The following EIF2B1 variants were observed in gnomAD, a reference collection of about 807,000 sequenced individuals.
EIF2B1 encodes the protein eukaryotic translation initiation factor 2B subunit alpha.
Under a neutral mutation model 36.8 loss-of-function variants are expected in EIF2B1, and 30 were observed. The ratio of observed to expected loss-of-function variants is 0.81; its 90% CI spans 0.61 to 1.10. The LOEUF (loss-of-function observed/expected upper bound fraction) is 1.10, where lower values mean the gene tolerates loss of function less well. Ranked by LOEUF, EIF2B1 falls within the 50% of genes least tolerant of loss-of-function variation. The pLI is 0.00. For missense variants in EIF2B1, 271 were observed against 374.8 expected (o/e 0.72, Z 2.29); for synonymous variants, 139 against 142.2 (o/e 0.98, Z 0.16).
At chr12:123,632,474 C>A in intron 1 of EIF2B1, 28 bp from the exon 2 acceptor site, 1 of 1,496,176 alleles carries the variant, frequency 6.7e-7, no homozygotes. Flanking sequence ...AGTGATTCAC[C>A]TAATTCATTT....
At chr12:123,626,970 C>T in intron 5 of EIF2B1, 74 bp downstream of exon 5, 1 of 1,354,834 alleles carries the variant, frequency 7.4e-7, no homozygotes, top group East Asian at 2.3e-5. Context: ...TGGTTCTGAT[C>T]CTGTTGGACT....
At chr12:123,625,408 G>A (rs941896192) in intron 6 of EIF2B1, among the ~76,000 whole-genome samples, 3 of 151,886 alleles carry the variant, frequency 2.0e-5, no homozygotes, top group African/African-American at 7.3e-5. Flanking sequence ...ATGCCACCAT[G>A]CCCTAGAGAT....
At chr12:123,626,972 T>TG in intron 5 of EIF2B1, 72 bp downstream of exon 5, 2 of 1,371,734 alleles carry the variant, frequency 1.5e-6, no homozygotes, top group Non-Finnish European at 1.0e-6. Context: ...GTTCTGATCC[T>TG]GTTGGACTGT....
At chr12:123,627,228 C>T in intron 4 of EIF2B1, 72 bp from the exon 5 acceptor site, 5 of 1,179,862 alleles carry the variant, frequency 4.2e-6, no homozygotes, top group South Asian at 1.2e-5. Flanking sequence ...CACTGCGGCA[C>T]GTGTTCCCGA....
chr12:123,630,201 C>A lies in EIF2B1; in HGVS notation c.337G>T (p.Asp113Tyr). 1.2e-6 allele frequency: 2 copies of A among 1,614,030 alleles called. No individual in the cohort carries two copies. Among genetic ancestry groups the A allele is most frequent in the Non-Finnish European group, 1.7e-6 (2 of 1,180,022 alleles). ...TCTTTGATGAAAGTATGGCACAGAT[C>A]TGCAATTTTGTTTCTTGACAGTGAT... The part of the protein sequence containing the change: ...RISLSRNKIA[D>Y]LCHTFIKDGA... The change falls in exon 4 of 9, where the codon GAT becomes TAT. Residue 113 changes from aspartate (D) to tyrosine (Y), a missense_variant. Physicochemically the swap from Asp to Tyr is radical, Grantham distance 160. Transcript: ENST00000424014. This position sits in a 1 kb window ranked among gnomAD's most constrained non-coding sequence, Gnocchi z 4.6.
chr12:123,622,285 A>G (rs1210513717), intron 8 of EIF2B1, among the ~76,000 whole-genome samples: 1 of 152,166 alleles, frequency 6.6e-6, no homozygotes, highest in African/African-American at 2.4e-5. Flanking sequence ...CTGCTATGCC[A>G]TTTTACAGAC....
Position 123,632,283 on chromosome 12 carries a change from A to AG in EIF2B1, c.115+61_115+62insC. The AG allele has an allele frequency of 4.4e-6, 5 of 1,124,848 alleles. No individual in the cohort carries two copies. In the South Asian group the frequency reaches 5.5e-5, roughly 12 times the overall value. The allele number at this position is 1,124,848 out of a possible 1,614,324, so 69.7% of individuals were successfully genotyped here. A position where few individuals can be genotyped will look rare whatever the true frequency, so the allele number is the denominator to read the frequency against. ...GCTCCGTCTCTTTAAAAAAAAAAAA[A>AG]AAGAAAAGAAAAAAAAGACTATCCT... On this transcript the variant is annotated intron_variant, in intron 2 of 8. Coordinates refer to ENST00000424014, the MANE Select transcript of EIF2B1 (RefSeq NM_001414.4).
At chr12:123,627,755 G>A (rs1029759548) in intron 4 of EIF2B1, among the ~76,000 whole-genome samples, 5 of 152,168 alleles carry the variant, frequency 3.3e-5, no homozygotes, top group African/African-American at 9.6e-5. Context: ...TTGGGAGGCC[G>A]AGGTGGGAGG....
At chr12:123,623,259 G>A (rs1275849965) in intron 7 of EIF2B1, among the ~76,000 whole-genome samples, 3 of 151,868 alleles carry the variant, frequency 2.0e-5, no homozygotes, top group Non-Finnish European at 2.9e-5. Flanking sequence ...GATGGGGGGT[G>A]CCTGTAATCC....
At chr12:123,631,343 T>C (rs1027658263) in intron 2 of EIF2B1, among the ~76,000 whole-genome samples, 5 of 152,144 alleles carry the variant, frequency 3.3e-5, no homozygotes, top group East Asian at 1.9e-4. Flanking sequence ...CAGGCAAACA[T>C]GCATCTCTCA....
chr12:123,627,875 G>A (rs1393568093), intron 4 of EIF2B1, among the ~76,000 whole-genome samples: 3 of 152,140 alleles, frequency 2.0e-5, no homozygotes, highest in Non-Finnish European at 4.4e-5. Context: ...GCTAAGGAGG[G>A]CCAGGACTCC....
intron 4 of EIF2B1, among the ~76,000 whole-genome samples, chr12:123,628,663 C>T (rs887349550): frequency 1.3e-5 from 2 of 152,104 alleles, no homozygotes; most frequent in African/African-American, 2.4e-5. Flanking sequence ...CATGCCCAGC[C>T]TCCATAACCT....
intron 1 of EIF2B1, among the ~76,000 whole-genome samples, chr12:123,633,315 C>T (rs1295940674): frequency 6.6e-6 from 1 of 151,148 alleles, no homozygotes; most frequent in African/African-American, 2.4e-5. Flanking sequence ...AGGAGACTGG[C>T]ACTGGGAAGG....
At chr12:123,631,020 A>G (rs1192023955) in intron 2 of EIF2B1, among the ~76,000 whole-genome samples, 1 of 152,254 alleles carries the variant, frequency 6.6e-6, no homozygotes, top group Non-Finnish European at 1.5e-5. Flanking sequence ...CTATACCCAG[A>G]TGCTTACATT....
rs370455822 is a variant in EIF2B1, at chr12:123,622,735, A to G, written c.654T>C (p.Cys218=). ...NKIGTNQMAV[C]AKAQNKPFYV... ...AGAAAGGTTTGTTCTGTGCTTTGGCACACACAGCCATCTGGTTGGTTCCAA... is the reference window on the plus strand; with the variant it reads ...AGAAAGGTTTGTTCTGTGCTTTGGCGCACACAGCCATCTGGTTGGTTCCAA... Residue 218 remains cysteine (C), a synonymous_variant, in exon 8 of 9, where the codon TGT becomes TGC. Coordinates refer to ENST00000424014, the MANE Select transcript of EIF2B1 (RefSeq NM_001414.4). 33 of 1,614,018 alleles carry G rather than the reference A, an allele frequency of 2.0e-5. No individual in the cohort carries two copies. The highest frequency in any genetic ancestry group is 2.6e-5 in the Non-Finnish European group (31 of 1,179,962).
chr12:123,631,525 T>C (rs994928175), intron 2 of EIF2B1, among the ~76,000 whole-genome samples: 18 of 150,390 alleles, frequency 1.2e-4, no homozygotes, highest in Admixed American at 7.9e-4. Flanking sequence ...ATAAAAAAAT[T>C]TGGCCGGGCC....
chr12:123,629,435 C>T (rs1955171828), intron 4 of EIF2B1, among the ~76,000 whole-genome samples: 1 of 152,180 alleles, frequency 6.6e-6, no homozygotes. Flanking sequence ...AAGAGCTGTT[C>T]TGTTAATTCA....
chr12:123,622,668 G>C lies in EIF2B1; in HGVS notation c.721C>G (p.Leu241Val). The change falls in exon 8 of 9, where the codon CTA becomes GTA. Residue 241 changes from leucine to valine, a missense_variant. Transcript: ENST00000424014. ...ESFKFVRLFP[L>V]NQQDVPDKFK... ...TTATCTGGGACGTCTTGCTGGTTTA[G>C]TGGAAAGAGCCGGACAAACTTGAAA... The C allele has an allele frequency of 6.2e-7, 1 of 1,614,200 alleles. No homozygotes were observed. The highest frequency in any genetic ancestry group is 8.5e-7 in the Non-Finnish European group (1 of 1,180,000).
intron 6 of EIF2B1, chr12:123,626,140 CAAAA>C (rs1042769769): frequency 6.9e-6 from 3 of 433,814 alleles, no homozygotes; most frequent in South Asian, 2.3e-5. Context: ...CTCAAAAAAA[CAAAA>C]AACAAACAAA....
Sources: allele counts gnomAD v4.1 joint callset (sites outside exome capture counted in the v4.1 genomes callset), GRCh38; gene constraint gnomAD v4.1.1; non-coding constraint Gnocchi (gnomAD v3.1); transcripts MANE v1.5; gene names NCBI Gene and HGNC (gene_info 2026-07-23, HGNC 2026-07-21).